Variants in TMED8 observed in about 807,000 individuals in gnomAD.
TMED8 encodes the protein protein TMED8.
TMED8 carries 15 observed loss-of-function variants against 32.7 expected under a neutral mutation model. The ratio of observed to expected loss-of-function variants is 0.46; its 90% CI spans 0.31 to 0.71. The LOEUF (loss-of-function observed/expected upper bound fraction) is 0.71, where lower values mean the gene tolerates loss of function less well. TMED8 is among the 30% of genes least tolerant of loss of function. TMED8 has a pLI of 0.06. For synonymous variants in TMED8, 147 were observed against 161.4 expected (o/e 0.91, Z 0.68); for missense variants, 390 against 423.9 (o/e 0.92, Z 0.70).
chr14:77,375,420 T>C (rs567205833), intron 1 of TMED8, among the ~76,000 whole-genome samples: 1 of 152,182 alleles, frequency 6.6e-6, no homozygotes, highest in African/African-American at 2.4e-5. Context: ...AGTAAAAACA[T>C]GCTTAATTTG....
At chr14:77,363,586 C>G (rs922938103) in intron 1 of TMED8, among the ~76,000 whole-genome samples, 1 of 152,116 alleles carries the variant, frequency 6.6e-6, no homozygotes, top group Non-Finnish European at 1.5e-5. Context: ...CACTTGAGTT[C>G]CAGGCTGCAG....
At chr14:77,373,814 C>T (rs1893752142) in intron 1 of TMED8, among the ~76,000 whole-genome samples, 1 of 152,164 alleles carries the variant, frequency 6.6e-6, no homozygotes, top group Non-Finnish European at 1.5e-5. Flanking sequence ...AATGATTTGG[C>T]ATCATCCTCT....
chr14:77,344,370 G>C (rs11159255), intron 3 of TMED8, among the ~76,000 whole-genome samples: 47,254 of 152,110 alleles, frequency 0.31, 8,691 homozygotes, highest in East Asian at 0.54. Context: ...AGCCCACCTC[G>C]GGCTACAGAT....
rs1892838103 is a variant in TMED8 at position 77,339,290 on chromosome 14, G to A, written c.*2481C>T. On this transcript the variant is annotated 3_prime_UTR_variant, in exon 6 of 6. Coordinates refer to ENST00000216468, the MANE Select transcript of TMED8 (RefSeq NM_213601.3). ...CAGTTGGTGAAAAACCAGTATGAAT[G>A]AAATGTAACCATGCCCAGGACTTCA... 6.6e-6 allele frequency: 1 copy of A among 152,224 alleles called. No individual in the cohort carries two copies. The allele number at this position is 152,224 out of a possible 1,614,324, so 9.4% of individuals were successfully genotyped here.
intron 1 of TMED8, among the ~76,000 whole-genome samples, chr14:77,365,838 A>G (rs1594852675): frequency 6.6e-6 from 1 of 152,162 alleles, no homozygotes; most frequent in South Asian, 2.1e-4. Flanking sequence ...TCAAACCTGT[A>G]TTTTTTTGGT....
chr14:77,375,664 T>C (rs542663524), intron 1 of TMED8, among the ~76,000 whole-genome samples: 151 of 152,288 alleles, frequency 9.9e-4, no homozygotes, highest in African/African-American at 3.4e-3. Flanking sequence ...GTGTGTGTGT[T>C]TGAATAAGGC....
intron 1 of TMED8, among the ~76,000 whole-genome samples, chr14:77,372,937 TATATATATATATA>T (rs1420778083): frequency 1.2e-3 from 42 of 34,068 alleles, no homozygotes; most frequent in African/African-American, 5.0e-3. Context: ...TATATATATA[TATATATATATATA>T]TATTTTTTTT....
rs974965363 is a variant in TMED8, at chr14:77,341,613, G to A, written c.*158C>T. On this transcript the variant is annotated 3_prime_UTR_variant, in exon 6 of 6. Coordinates refer to ENST00000216468, the MANE Select transcript of TMED8 (RefSeq NM_213601.3). ...CACCACCTGCAGAAGCCAAGAAGGG[G>A]AAAAAGCTACGTGGGCCAACAGTCA... The A allele has an allele frequency of 2.2e-5, 15 of 688,436 alleles. No homozygotes were observed. Among genetic ancestry groups the A allele is most frequent in the Non-Finnish European group, 3.5e-5 (14 of 404,642 alleles). The allele number at this position is 688,436 out of a possible 1,614,324, so 42.6% of individuals were successfully genotyped here.
At chr14:77,353,742 T>C (rs1045288708) in intron 1 of TMED8, among the ~76,000 whole-genome samples, 6 of 152,032 alleles carry the variant, frequency 3.9e-5, no homozygotes, top group Admixed American at 1.3e-4. Flanking sequence ...ATTACAGGCG[T>C]GAGCCACTGT....
intron 1 of TMED8, among the ~76,000 whole-genome samples, chr14:77,352,338 C>T (rs1039465190): frequency 2.4e-4 from 37 of 151,824 alleles, no homozygotes; most frequent in African/African-American, 7.5e-4. Context: ...CACTTGAACC[C>T]GGGAGGCGGA....
At position 77,376,127 on chromosome 14, in the gene TMED8, G is replaced by A. The variant is rs1893809039; in HGVS notation, c.118+809C>T. Reference sequence around the variant, plus strand: ...CATCCTTTCAGTTGCATCGTGTGTGGTGTTCAGGAGGCTGAAAGAAGAAAG... The same window carrying A: ...CATCCTTTCAGTTGCATCGTGTGTGATGTTCAGGAGGCTGAAAGAAGAAAG... On this transcript the variant is annotated intron_variant, in intron 1 of 5. Transcript: ENST00000216468. The surrounding 1 kb of genome is among the most constrained non-coding windows in gnomAD (Gnocchi z 4.0). 6.6e-6 allele frequency among the ~76,000 whole-genome samples: 1 copy of A among 152,172 alleles called. No individual in the cohort carries two copies. Among genetic ancestry groups the A allele is most frequent in the Admixed American group, 6.5e-5 (1 of 15,274 alleles).
At chr14:77,368,377 T>C (rs1893603845) in intron 1 of TMED8, among the ~76,000 whole-genome samples, 1 of 152,234 alleles carries the variant, frequency 6.6e-6, no homozygotes, top group Non-Finnish European at 1.5e-5. Flanking sequence ...ATTTCACCAA[T>C]GACTCGTATT....
rs935116115 is a variant in TMED8, at chr14:77,335,121, T to C, written c.*6650A>G. ...AGCATCACAAAACTGTTACCTAATA[T>C]AAAACGCAAGAACTGAGCTACTTGA... On this transcript the variant is annotated 3_prime_UTR_variant, in exon 6 of 6. Coordinates refer to ENST00000216468, the MANE Select transcript of TMED8 (RefSeq NM_213601.3). 1 of 152,142 alleles carries C rather than the reference T, an allele frequency of 6.6e-6. No homozygotes were observed. The highest frequency in any genetic ancestry group is 2.4e-5 in the African/African-American group (1 of 41,422). The allele number at this position is 152,142 out of a possible 1,614,324, so 9.4% of individuals were successfully genotyped here.
At position 77,339,719 on chromosome 14, in the gene TMED8, G is replaced by A. The variant is rs1447925454; in HGVS notation, c.*2052C>T. 6.6e-6 allele frequency: 1 copy of A among 152,168 alleles called. No homozygotes were observed. Among genetic ancestry groups the A allele is most frequent in the Non-Finnish European group, 1.5e-5 (1 of 68,042 alleles). The allele number at this position is 152,168 out of a possible 1,614,324, so 9.4% of individuals were successfully genotyped here. A position where few individuals can be genotyped will look rare whatever the true frequency, so the allele number is the denominator to read the frequency against. On this transcript the variant is annotated 3_prime_UTR_variant, in exon 6 of 6. Coordinates refer to ENST00000216468, the MANE Select transcript of TMED8 (RefSeq NM_213601.3). ...AGTCACTAAAATAATTTCTTTAAAG[G>A]TATATAAATGTTGGCCAGTGTAATC...
At chr14:77,362,089 T>C (rs1164563375) in intron 1 of TMED8, among the ~76,000 whole-genome samples, 1 of 152,252 alleles carries the variant, frequency 6.6e-6, no homozygotes, top group East Asian at 1.9e-4. Flanking sequence ...ATTGATATCA[T>C]TTATTAATTC....
rs746624938 is a variant in TMED8, at chr14:77,341,918, C to T, written c.831G>A (p.Met277Ile). 2 of 1,614,052 alleles carry T rather than the reference C, an allele frequency of 1.2e-6. No homozygotes were observed. The highest frequency in any genetic ancestry group is 2.2e-5 in the South Asian group (2 of 91,074). Reference protein sequence around the residue: ...SSLRGRYGEVMPVYRRDSHRD... With the variant: ...SSLRGRYGEVIPVYRRDSHRD... ...GGTGGCTGTCCCGCCGGTACACAGGCATGACCTCCCCATAGCGACCCCGCA... is the reference window on the plus strand; with the variant it reads ...GGTGGCTGTCCCGCCGGTACACAGGTATGACCTCCCCATAGCGACCCCGCA... The change falls in exon 6 of 6, where the codon ATG becomes ATA. Residue 277 changes from methionine (M) to isoleucine (I), a missense_variant. By Grantham distance (10) the Met-to-Ile change is conservative (BLOSUM62 1). Transcript: ENST00000216468.
At chr14:77,354,097 G>T (rs148712818) in intron 1 of TMED8, among the ~76,000 whole-genome samples, 1 of 152,068 alleles carries the variant, frequency 6.6e-6, no homozygotes, top group African/African-American at 2.4e-5. Context: ...CCCTTTAGCC[G>T]CTCCACTTAG....
chr14:77,370,386 G>C (rs550679582), intron 1 of TMED8, among the ~76,000 whole-genome samples: 1 of 152,150 alleles, frequency 6.6e-6, no homozygotes, highest in Admixed American at 6.5e-5. Context: ...TCTCTAAGGA[G>C]ACTTATAACC....
Position 77,377,093 on chromosome 14 carries a change from G to A in TMED8, c.-40C>T. 1 of 1,282,426 alleles carries A rather than the reference G, an allele frequency of 7.8e-7. No individual in the cohort carries two copies. The highest frequency in any genetic ancestry group is 3.0e-5 in the East Asian group (1 of 33,662). The allele number at this position is 1,282,426 out of a possible 1,614,324, so 79.4% of individuals were successfully genotyped here. ...CGGAGCTCTCCGCTGCCAGCCGCGA[G>A]TGGCTCCGGAAACAGCCGAAGGCCG... On this transcript the variant is annotated 5_prime_UTR_variant, in exon 1 of 6. Transcript: ENST00000216468.
Sources: gnomAD v4.1 joint callset for allele counts (sites outside exome capture counted in the v4.1 genomes callset) on GRCh38, gnomAD v4.1.1 for gene constraint, Gnocchi (gnomAD v3.1) non-coding constraint, MANE v1.5 for transcripts, NCBI Gene and HGNC (gene_info 2026-07-23, HGNC 2026-07-21) for gene names.